Variants in SLC5A11 observed in about 807,000 individuals in gnomAD.
SLC5A11 encodes sodium/myo-inositol cotransporter 2.
Under a neutral mutation model 69.8 loss-of-function variants are expected in SLC5A11, and 48 were observed. The ratio of observed to expected loss-of-function variants is 0.69; its 90% CI spans 0.55 to 0.87. The LOEUF (loss-of-function observed/expected upper bound fraction) is 0.87. Among genes scored for constraint, SLC5A11 ranks in the 40% least tolerant of loss-of-function variants. The pLI is 0.00. For synonymous variants in SLC5A11, 319 were observed against 342.4 expected, an observed-to-expected ratio of 0.93 and a Z score of 0.75; for missense variants, 784 against 866.1, an observed-to-expected ratio of 0.91 and a Z score of 1.19.
chr16:24,862,627 A>G, exon 3 of SLC5A11: 4 of 1,613,538 alleles, frequency 2.5e-6, no homozygotes, highest in Non-Finnish European at 2.5e-6. Context: ...AAAGAGACAC[A>G]GTGAAAGGCT....
At chr16:24,850,938 G>A (rs1433546140) in intron 1 of SLC5A11, among the ~76,000 whole-genome samples, 2 of 151,420 alleles carry the variant, frequency 1.3e-5, no homozygotes, top group African/African-American at 2.4e-5. Flanking sequence ...AGCCTCCCAA[G>A]TAGCTGGGAT....
Position 24,888,429 on chromosome 16 carries a change from AAAAAG to A in SLC5A11, c.665-2437_665-2433del, listed in dbSNP as rs1329348548. 1.1e-4 allele frequency among the ~76,000 whole-genome samples: 17 copies of A among 152,056 alleles called. No individual in the cohort carries two copies. In the South Asian group the frequency reaches 3.5e-3, roughly 32 times the overall value. ...TGAAAGCCCAATTTAGTGATTTAGA[AAAAAG>A]AAGATGACATTATGGGTTACTCCAG... On this transcript the variant is annotated intron_variant, in intron 8 of 15. Transcript: ENST00000347898.
intron 5 of SLC5A11, 41 bp downstream of exon 6, chr16:24,872,260 G>C (rs1304401785): frequency 1.2e-6 from 2 of 1,610,194 alleles, no homozygotes; most frequent in Non-Finnish European, 8.5e-7. Flanking sequence ...ATTGAAAGAT[G>C]CTTTGGGAAT....
chr16:24,891,309 C>T (rs903997272), intron 9 of SLC5A11, among the ~76,000 whole-genome samples: 5 of 111,456 alleles, frequency 4.5e-5, no homozygotes, highest in Non-Finnish European at 8.9e-5. Context: ...ACACACTCTG[C>T]CTTTTTTTTT....
intron 1 of SLC5A11, among the ~76,000 whole-genome samples, chr16:24,850,109 T>A (rs1179164445): frequency 6.6e-6 from 1 of 151,886 alleles, no homozygotes; most frequent in Non-Finnish European, 1.5e-5. Context: ...AGCTAATTTT[T>A]AAAAATTTGT....
At chr16:24,909,207 TC>T in intron 14 of SLC5A11, 111 bp downstream of exon 15, 1 of 1,172,034 alleles carries the variant, frequency 8.5e-7, no homozygotes, top group Non-Finnish European at 1.2e-6. Flanking sequence ...AGCTGAAAAG[TC>T]CAGGGTTGAG....
At chr16:24,852,568 C>G (rs1466405611) in intron 1 of SLC5A11, among the ~76,000 whole-genome samples, 2 of 152,094 alleles carry the variant, frequency 1.3e-5, no homozygotes, top group Non-Finnish European at 2.9e-5. Context: ...AGGAGCCACC[C>G]CCAACCACCC....
intron 11 of SLC5A11, 25 bp from the exon 13 acceptor site, chr16:24,907,000 C>T (rs773957472): frequency 6.2e-7 from 1 of 1,609,594 alleles, no homozygotes; most frequent in Non-Finnish European, 8.5e-7. Flanking sequence ...AGGACCGAGG[C>T]CCATGACCTC....
At chr16:24,910,331 G>A (rs141986069) in exon 15 of SLC5A11, 10 of 1,613,838 alleles carry the variant, frequency 6.2e-6, no homozygotes, top group Middle Eastern at 1.6e-4. Context: ...TGGTTTACTC[G>A]TCACGACCCC....
chr16:24,898,255 A>T, intron 10 of SLC5A11, 146 bp downstream of exon 11: 1 of 1,148,580 alleles, frequency 8.7e-7, no homozygotes, highest in Non-Finnish European at 1.2e-6. Flanking sequence ...TCTGTCATTC[A>T]GGTTGGAGTG....
intron 1 of SLC5A11, among the ~76,000 whole-genome samples, chr16:24,855,497 AG>A: frequency 6.6e-6 from 1 of 150,992 alleles, no homozygotes; most frequent in South Asian, 2.1e-4. Flanking sequence ...GCTAATTGGG[AG>A]GCTGAGGCAG....
At chr16:24,908,966 A>G (rs1420779288) in exon 14 of SLC5A11, 3 of 1,613,918 alleles carry the variant, frequency 1.9e-6, no homozygotes, top group Non-Finnish European at 2.5e-6. Context: ...CCTCGATGCG[A>G]CCAGCCAGAT....
intron 1 of SLC5A11, among the ~76,000 whole-genome samples, chr16:24,851,156 G>C (rs1358136928): frequency 6.6e-6 from 1 of 151,590 alleles, no homozygotes; most frequent in East Asian, 1.9e-4. Context: ...TTTAGAGATA[G>C]GGTCTCACTC....
At chr16:24,879,673 G>A (rs2047915252) in intron 7 of SLC5A11, among the ~76,000 whole-genome samples, 1 of 152,122 alleles carries the variant, frequency 6.6e-6, no homozygotes, top group Non-Finnish European at 1.5e-5. Context: ...GGAGGCAGAG[G>A]TTGCAAGGTT....
intron 12 of SLC5A11, 53 bp from the exon 14 acceptor site, chr16:24,907,910 G>A: frequency 1.3e-6 from 2 of 1,576,044 alleles, no homozygotes; most frequent in Non-Finnish European, 1.7e-6. Flanking sequence ...GAGAGGGAAA[G>A]AGGAGTAAAT....
intron 2 of SLC5A11, 55 bp from the exon 4 acceptor site, chr16:24,862,546 G>T: frequency 4.6e-6 from 7 of 1,509,516 alleles, no homozygotes; most frequent in Non-Finnish European, 4.6e-6. Context: ...GCCATTTTGA[G>T]ATGCCTCTGA....
At chr16:24,870,101 A>G in intron 4 of SLC5A11, 96 bp downstream of exon 5, 1 of 900,800 alleles carries the variant, frequency 1.1e-6, no homozygotes, top group Non-Finnish European at 1.8e-6. Flanking sequence ...CTTTAAAAAT[A>G]GAATGGTGGG....
intron 1 of SLC5A11, among the ~76,000 whole-genome samples, chr16:24,851,793 G>A (rs274113): frequency 0.22 from 33,604 of 152,072 alleles, 4,691 homozygotes; most frequent in Non-Finnish European, 0.3. Context: ...ACTTGCCCAC[G>A]ATGAAGGAGC....
At chr16:24,861,143 T>C (rs2059754584) in intron 2 of SLC5A11, among the ~76,000 whole-genome samples, 1 of 152,150 alleles carries the variant, frequency 6.6e-6, no homozygotes, top group African/African-American at 2.4e-5. Flanking sequence ...TTCTTCTTTT[T>C]CTTATCAATT....
Sources: gnomAD v4.1 joint callset for allele counts (sites outside exome capture counted in the v4.1 genomes callset) on GRCh38, gnomAD v4.1.1 for gene constraint, MANE v1.5 for transcripts, NCBI Gene and HGNC (gene_info 2026-07-23, HGNC 2026-07-21) for gene names.